ATP2B4: variants seen among roughly 807,000 people sequenced by gnomAD.
ATP2B4 encodes ATPase plasma membrane Ca2+ transporting 4.
A neutral mutation model predicts 110.3 loss-of-function variants in ATP2B4; 39 were observed. The ratio of observed to expected loss-of-function variants is 0.35; its 90% CI spans 0.27 to 0.46. The LOEUF (loss-of-function observed/expected upper bound fraction) is 0.46. Among genes scored for constraint, ATP2B4 ranks in the 20% least tolerant of loss-of-function variants. ATP2B4 has a pLI of 1.00. For missense variants in ATP2B4, 1,135 were observed against 1,530.9 expected (o/e 0.74, Z 4.32); for synonymous variants, 538 against 571.7 (o/e 0.94, Z 0.84).
rs542038310 is a variant in ATP2B4, at chr1:203,673,914, C to A, written c.-464-8828C>A. On this transcript the variant is annotated intron_variant, in intron 1 of 20. Coordinates refer to ENST00000357681, the MANE Select transcript of ATP2B4 (RefSeq NM_001684.5). The stretch of plus-strand genomic sequence containing the variant: ...AGATGACCCCTCTCCATAAGCATGA[C>A]ATGATTCTGCTGAAATTCGTTTCTA... Among the ~76,000 whole-genome samples the A allele has an allele frequency of 1.5e-3, 235 of 152,284 alleles. 1 individual carries two copies. Among genetic ancestry groups the A allele is most frequent in the African/African-American group, 5.5e-3 (230 of 41,542 alleles).
intron 20 of ATP2B4, among the ~76,000 whole-genome samples, chr1:203,738,707 G>A (rs1327924818): frequency 6.6e-6 from 1 of 152,220 alleles, no homozygotes; most frequent in African/African-American, 2.4e-5. Flanking sequence ...CACAGTTGCT[G>A]TGTATCAGAG....
intron 19 of ATP2B4, among the ~76,000 whole-genome samples, chr1:203,726,071 CAA>C (rs58722256): frequency 1.3e-4 from 12 of 93,212 alleles, no homozygotes; most frequent in Non-Finnish European, 2.0e-4. Context: ...ACTAAAAATA[CAA>C]AAAAAAAAAA....
chr1:203,697,339 C>T (rs1665562792), intron 2 of ATP2B4, among the ~76,000 whole-genome samples: 2 of 152,320 alleles, frequency 1.3e-5, no homozygotes, highest in South Asian at 4.1e-4. Flanking sequence ...GCTTGTTCTT[C>T]CTGGCCTTTG....
At chr1:203,665,835 C>T (rs963297213) in intron 1 of ATP2B4, among the ~76,000 whole-genome samples, 2 of 151,016 alleles carry the variant, frequency 1.3e-5, no homozygotes, top group Non-Finnish European at 2.9e-5. Context: ...CCTTTTTATC[C>T]AGTGCTCAGC....
intron 1 of ATP2B4, among the ~76,000 whole-genome samples, chr1:203,648,471 C>T (rs922440803): frequency 1.3e-5 from 2 of 152,130 alleles, no homozygotes; most frequent in Admixed American, 1.3e-4. Context: ...CTTGACACCC[C>T]TTGGCAGTTA....
At chr1:203,698,591 C>T (rs146354769) in intron 3 of ATP2B4, among the ~76,000 whole-genome samples, 21 of 151,512 alleles carry the variant, frequency 1.4e-4, no homozygotes, top group East Asian at 7.8e-4. Flanking sequence ...AATCCTTTTT[C>T]GGAATGTCAG....
intron 5 of ATP2B4, among the ~76,000 whole-genome samples, chr1:203,700,567 G>A (rs1665660395): frequency 6.6e-6 from 1 of 152,176 alleles, no homozygotes; most frequent in Non-Finnish European, 1.5e-5. Flanking sequence ...GGGTGGCGGG[G>A]GCAGGAGGGA....
intron 1 of ATP2B4, among the ~76,000 whole-genome samples, chr1:203,634,628 A>G (rs1464414301): frequency 6.6e-6 from 1 of 152,292 alleles, no homozygotes; most frequent in East Asian, 1.9e-4. Context: ...ACAACATCAT[A>G]GACTGGGTGG....
intron 7 of ATP2B4, among the ~76,000 whole-genome samples, chr1:203,702,644 G>A (rs967291053): frequency 1.3e-5 from 2 of 152,174 alleles, no homozygotes; most frequent in African/African-American, 4.8e-5. Flanking sequence ...TGATGTGTGT[G>A]TCTCTTTTGG....
At chr1:203,714,333 A>T (rs1666099376) in intron 15 of ATP2B4, 56 bp downstream of exon 15, 1 of 1,595,274 alleles carries the variant, frequency 6.3e-7, no homozygotes, top group South Asian at 1.1e-5. Context: ...TCAGGAAGCC[A>T]GGTCCGGCTT....
intron 1 of ATP2B4, among the ~76,000 whole-genome samples, chr1:203,675,417 A>G (rs1398005695): frequency 6.6e-6 from 1 of 152,188 alleles, no homozygotes; most frequent in African/African-American, 2.4e-5. Context: ...ATCTCAGATC[A>G]CCACAGATAA....
chr1:203,657,090 A>G (rs976607675), intron 1 of ATP2B4: 5 of 843,954 alleles, frequency 5.9e-6, no homozygotes, highest in Non-Finnish European at 1.0e-5. Flanking sequence ...CATTTACCTC[A>G]ATGACAATAT....
chr1:203,695,542 T>C (rs1665506877), intron 2 of ATP2B4, among the ~76,000 whole-genome samples: 1 of 152,138 alleles, frequency 6.6e-6, no homozygotes, highest in African/African-American at 2.4e-5. Context: ...GTGATGTGCT[T>C]GGGCACTGGG....
chr1:203,657,093 G>T, intron 1 of ATP2B4: 1 of 843,290 alleles, frequency 1.2e-6, no homozygotes, highest in Non-Finnish European at 2.0e-6. Flanking sequence ...TTACCTCAAT[G>T]ACAATATCTT....
In ATP2B4 at chr1:203,709,420, G is replaced by T. The variant is rs770417814; in HGVS notation, c.1677G>T (p.Glu559Asp). The change falls in exon 11 of 21, where the codon GAG (glutamate) becomes GAT (aspartate). Residue 559 changes from glutamate to aspartate, a missense_variant. Glu to Asp is a conservative substitution (Grantham distance 45, BLOSUM62 2). Around this residue, in one of 9 missense-constraint regions of ATP2B4, gnomAD observed 368 missense variants for 455.9 expected, o/e 0.81. Transcript: ENST00000357681. ...AGGCTGTGCGTAATGAAGTGCCCGA[G>T]GAGAAGCTCTACAAGGTGTACACCT... ...DYQAVRNEVPEEKLYKVYTFN... is the reference protein window; with the variant it reads ...DYQAVRNEVPDEKLYKVYTFN... 4.5e-5 allele frequency: 73 copies of T among 1,614,086 alleles called. No homozygotes were observed. Among genetic ancestry groups the T allele is most frequent in the Admixed American group, 8.3e-5 (5 of 60,004 alleles).
intron 1 of ATP2B4, among the ~76,000 whole-genome samples, chr1:203,653,982 TA>T (rs1359117377): frequency 4.4e-3 from 62 of 14,160 alleles, no homozygotes; most frequent in Non-Finnish European, 0.013. Context: ...TATATATATA[TA>T]TATTTTTTTT....
chr1:203,719,239 AAAAAAAGC>A (rs201486828), intron 15 of ATP2B4, among the ~76,000 whole-genome samples: 59 of 141,156 alleles, frequency 4.2e-4, no homozygotes, highest in East Asian at 2.2e-3. Context: ...AAAAAAAAAA[AAAAAAAGC>A]AAGAGAGATA....
At chr1:203,628,990 G>C (rs1216366542) in intron 1 of ATP2B4, among the ~76,000 whole-genome samples, 1 of 152,144 alleles carries the variant, frequency 6.6e-6, no homozygotes, top group African/African-American at 2.4e-5. Context: ...AATCAGGCTG[G>C]GGGAGAGGAA....
intron 15 of ATP2B4, among the ~76,000 whole-genome samples, chr1:203,716,214 G>A (rs756206876): frequency 6.9e-6 from 1 of 144,468 alleles, no homozygotes; most frequent in Non-Finnish European, 1.5e-5. Flanking sequence ...GAATACAGTT[G>A]GATCATAAAA....
Sources: gnomAD v4.1 joint callset for allele counts (sites outside exome capture counted in the v4.1 genomes callset) on GRCh38, gnomAD v4.1.1 for gene constraint, gnomAD v4.1.1 regional missense constraint, MANE v1.5 for transcripts, NCBI Gene and HGNC (gene_info 2026-07-23, HGNC 2026-07-21) for gene names.